CREB5: variants seen among roughly 807,000 people sequenced by gnomAD.
CREB5 encodes cyclic AMP-responsive element-binding protein 5.
CREB5 carries 19 observed loss-of-function variants against 57.1 expected under a neutral mutation model. The ratio of observed to expected loss-of-function variants is 0.33; its 90% CI spans 0.23 to 0.49. CREB5 has a LOEUF of 0.49. Ranked by LOEUF, CREB5 falls within the 20% of genes least tolerant of loss-of-function variation. The pLI, the probability that CREB5 is intolerant of heterozygous loss-of-function variation, is 0.99. For synonymous variants in CREB5, 238 were observed against 238.3 expected, an observed-to-expected ratio of 1.00 and a Z score of 0.01; for missense variants, 579 against 671.6, an observed-to-expected ratio of 0.86 and a Z score of 1.52.
At chr7:28,346,290 G>A (rs1293401448) in intron 1 of CREB5, among the ~76,000 whole-genome samples, 1 of 152,156 alleles carries the variant, frequency 6.6e-6, no homozygotes, top group Non-Finnish European at 1.5e-5. Context: ...TAAGATCAAG[G>A]CATCCACAGA....
chr7:28,494,190 G>T (rs2128598265), intron 2 of CREB5, among the ~76,000 whole-genome samples: 1 of 152,276 alleles, frequency 6.6e-6, no homozygotes, highest in East Asian at 1.9e-4. Context: ...CAGTGCTACT[G>T]AGGTCTAAAT....
upstream of CREB5, among the ~76,000 whole-genome samples, chr7:28,412,370 C>G (rs1302347072): frequency 1.3e-5 from 2 of 152,166 alleles, no homozygotes; most frequent in East Asian, 1.9e-4. Context: ...CAGCTGAACC[C>G]TGACAAGTTC....
chr7:28,768,320 C>T (rs1271255509), intron 7 of CREB5, among the ~76,000 whole-genome samples: 1 of 152,000 alleles, frequency 6.6e-6, no homozygotes, highest in East Asian at 1.9e-4. Context: ...GCACTTACAC[C>T]CAATGCTTTC....
intron 4 of CREB5, among the ~76,000 whole-genome samples, chr7:28,526,953 G>T (rs1025369059): frequency 6.6e-6 from 1 of 152,186 alleles, no homozygotes; most frequent in African/African-American, 2.4e-5. Context: ...GTGACAGCAG[G>T]TGCTGGACAC....
intron 5 of CREB5, among the ~76,000 whole-genome samples, chr7:28,708,890 T>C (rs1802263196): frequency 6.6e-6 from 1 of 152,220 alleles, no homozygotes; most frequent in Admixed American, 6.5e-5. Context: ...TTTCATGAAT[T>C]ATTCATTTAT....
intron 5 of CREB5, among the ~76,000 whole-genome samples, chr7:28,640,906 C>T (rs1472730909): frequency 1.3e-5 from 2 of 152,086 alleles, no homozygotes; most frequent in Non-Finnish European, 2.9e-5. Context: ...GTTTGTTTTC[C>T]CTGAGAGCCA....
chr7:28,638,912 G>A (rs1340095051), intron 5 of CREB5, among the ~76,000 whole-genome samples: 2 of 152,180 alleles, frequency 1.3e-5, no homozygotes, highest in East Asian at 3.9e-4. Flanking sequence ...TCCCAGAGAG[G>A]TGAAATGTCT....
At chr7:28,308,556 C>G (rs778242153) in intron 1 of CREB5, among the ~76,000 whole-genome samples, 4 of 152,176 alleles carry the variant, frequency 2.6e-5, no homozygotes, top group Non-Finnish European at 5.9e-5. Flanking sequence ...GACCTGGACT[C>G]AAACCCAGGC....
At chr7:28,658,965 A>ATATATATATATATATG (rs1799469657) in intron 5 of CREB5, among the ~76,000 whole-genome samples, 26 of 135,262 alleles carry the variant, frequency 1.9e-4, no homozygotes, top group Non-Finnish European at 2.8e-4. Context: ...ATATATATAT[A>ATATATATATATATATG]TATATATATA....
intron 1 of CREB5, among the ~76,000 whole-genome samples, chr7:28,390,603 G>A (rs1455073261): frequency 6.6e-6 from 1 of 151,984 alleles, no homozygotes; most frequent in East Asian, 1.9e-4. Context: ...TTCTTCCTCC[G>A]CACCACTTGG....
chr7:28,545,410 C>T (rs979822304), intron 4 of CREB5, among the ~76,000 whole-genome samples: 13 of 152,174 alleles, frequency 8.5e-5, no homozygotes, highest in Non-Finnish European at 1.5e-4. Context: ...AGTGCCTTAT[C>T]CTTTCTAAGC....
At chr7:28,720,868 T>C (rs2108331) in intron 6 of CREB5, among the ~76,000 whole-genome samples, 1 of 152,026 alleles carries the variant, frequency 6.6e-6, no homozygotes, top group Non-Finnish European at 1.5e-5. Context: ...CCCAGAAAAA[T>C]ACCACTGCAG....
chr7:28,571,665 C>T (rs1012289559), intron 5 of CREB5, among the ~76,000 whole-genome samples: 3 of 152,282 alleles, frequency 2.0e-5, no homozygotes, highest in Admixed American at 1.3e-4. Context: ...GGATCCGCAG[C>T]GTGGGCATTT....
At chr7:28,649,524 T>C (rs1455158653) in intron 5 of CREB5, among the ~76,000 whole-genome samples, 1 of 152,154 alleles carries the variant, frequency 6.6e-6, no homozygotes, top group Non-Finnish European at 1.5e-5. Flanking sequence ...ACAAAAAAGG[T>C]GTGCCAACCT....
chr7:28,444,907 A>G (rs1266870133), intron 1 of CREB5, among the ~76,000 whole-genome samples: 2 of 152,172 alleles, frequency 1.3e-5, no homozygotes, highest in Non-Finnish European at 2.9e-5. Context: ...CTTAAATGGT[A>G]ATCCAGAAAG....
intron 5 of CREB5, among the ~76,000 whole-genome samples, chr7:28,662,698 G>A (rs1206691167): frequency 6.6e-6 from 1 of 152,146 alleles, no homozygotes; most frequent in Non-Finnish European, 1.5e-5. Flanking sequence ...AGGAAGTTCC[G>A]TCTCTGTTTC....
intron 5 of CREB5, among the ~76,000 whole-genome samples, chr7:28,664,233 T>C (rs1369295589): frequency 6.6e-6 from 1 of 152,176 alleles, no homozygotes; most frequent in Non-Finnish European, 1.5e-5. Flanking sequence ...ATCTTGTCCA[T>C]AGAGATAGAA....
At position 28,421,769 on chromosome 7, in the gene CREB5, C is replaced by CTATATATA. The variant is rs151244858; in HGVS notation, c.3+8859_3+8866dup. Among the ~76,000 whole-genome samples the CTATATATA allele has an allele frequency of 4.8e-3, 468 of 98,350 alleles. 3 individuals carry two copies. The highest frequency in any genetic ancestry group is 0.013 in the African/African-American group (447 of 34,482). 64.5% of individuals were successfully genotyped at this position (98,350 alleles called of 152,430 possible). ...CCATATATATATACATACACACACA[C>CTATATATA]TATATATATATATACCATATATATA... On this transcript the variant is annotated intron_variant, in intron 1 of 10. Coordinates refer to ENST00000357727, the MANE Select transcript of CREB5 (RefSeq NM_182898.4).
chr7:28,587,492 T>C (rs967443385), intron 5 of CREB5, among the ~76,000 whole-genome samples: 1 of 140,896 alleles, frequency 7.1e-6, no homozygotes, highest in Non-Finnish European at 1.5e-5. Flanking sequence ...GCAGGATTCT[T>C]CGGGAGTTAA....
Sources: allele counts gnomAD v4.1 joint callset (sites outside exome capture counted in the v4.1 genomes callset), GRCh38; gene constraint gnomAD v4.1.1; transcripts MANE v1.5; gene names NCBI Gene and HGNC (gene_info 2026-07-23, HGNC 2026-07-21).